Variants in ATP9A observed in about 807,000 individuals in gnomAD.
The protein encoded by ATP9A is probable phospholipid-transporting ATPase IIA.
Under a neutral mutation model 144.1 loss-of-function variants are expected in ATP9A, and 52 were observed. The observed-to-expected ratio is 0.36, with a 90% confidence interval of 0.29 to 0.45. The LOEUF (loss-of-function observed/expected upper bound fraction) is 0.45, where lower values mean the gene tolerates loss of function less well. ATP9A is among the 20% of genes least tolerant of loss of function. The pLI, the probability that ATP9A is intolerant of heterozygous loss-of-function variation, is 1.00. For missense variants in ATP9A, 947 were observed against 1,392.7 expected, an observed-to-expected ratio of 0.68 and a Z score of 5.09; for synonymous variants, 582 against 557.4, an observed-to-expected ratio of 1.04 and a Z score of -0.62.
chr20:51,633,941 C>T (rs1042906157), intron 15 of ATP9A, among the ~76,000 whole-genome samples: 3 of 151,436 alleles, frequency 2.0e-5, no homozygotes, highest in Non-Finnish European at 2.9e-5. Context: ...AGAGGGAGGG[C>T]AGTTTTGATC....
intron 7 of ATP9A, 127 bp from the exon 8 acceptor site, chr20:51,690,946 G>A (rs2077545997): frequency 2.6e-6 from 2 of 766,026 alleles, no homozygotes; most frequent in Admixed American, 2.2e-5. Context: ...AAAATTACAG[G>A]GGAGGTGGAA....
chr20:51,753,443 T>C (rs1267792670), intron 1 of ATP9A, among the ~76,000 whole-genome samples: 1 of 129,938 alleles, frequency 7.7e-6, no homozygotes, highest in Non-Finnish European at 1.6e-5. Flanking sequence ...AGAGTGAGAC[T>C]CCGTCTCAAA....
chr20:51,730,295 C>T (rs1006929044), intron 1 of ATP9A, among the ~76,000 whole-genome samples: 4 of 152,174 alleles, frequency 2.6e-5, no homozygotes, highest in East Asian at 3.9e-4. Flanking sequence ...GGTGAAATCT[C>T]GTCTGTACTA....
intron 24 of ATP9A, 64 bp from the exon 25 acceptor site, chr20:51,608,690 G>T: frequency 9.7e-7 from 1 of 1,035,430 alleles, no homozygotes; most frequent in Non-Finnish European, 1.5e-6. Context: ...TGCTGTGCCA[G>T]CCTCCGGCAC....
intron 6 of ATP9A, 116 bp from the exon 7 acceptor site, chr20:51,694,218 A>C: frequency 2.9e-6 from 2 of 683,552 alleles, no homozygotes; most frequent in Non-Finnish European, 5.1e-6. Flanking sequence ...CAGCGACCAC[A>C]AGAGAAAATA....
At chr20:51,752,057 A>C (rs4991625) in intron 1 of ATP9A, among the ~76,000 whole-genome samples, 75,597 of 150,780 alleles carry the variant, frequency 0.5, 19,753 homozygotes, top group East Asian at 0.71. Flanking sequence ...CAACAACAAA[A>C]AAAAAAAAAC....
chr20:51,677,854 A>C (rs1350931034), intron 9 of ATP9A, among the ~76,000 whole-genome samples: 1 of 152,138 alleles, frequency 6.6e-6, no homozygotes, highest in Non-Finnish European at 1.5e-5. Flanking sequence ...AATAATCAAA[A>C]AATGCAAAAT....
intron 10 of ATP9A, among the ~76,000 whole-genome samples, chr20:51,675,591 C>A (rs2077473540): frequency 6.6e-6 from 1 of 152,064 alleles, no homozygotes; most frequent in Non-Finnish European, 1.5e-5. Context: ...CCTAAAAGCA[C>A]AAAAAATGCT....
Position 51,601,173 on chromosome 20 carries a change from A to C in ATP9A, c.*38T>G, listed in dbSNP as rs2077141162. The C allele has an allele frequency of 6.4e-7, 1 of 1,551,208 alleles. No homozygotes were observed. The highest frequency in any genetic ancestry group is 8.7e-7 in the Non-Finnish European group (1 of 1,149,626). ...GAACTTGAGCTCTGTCCATCAGGGA[A>C]GCGCCAAGACCAGGGCCCCCTCCAG... is the stretch of plus-strand genomic sequence containing the variant. On this transcript the variant is annotated 3_prime_UTR_variant, in exon 28 of 28. Transcript: ENST00000338821.
chr20:51,600,805 AAAACAC>A lies in ATP9A; in HGVS notation c.*400_*405del, dbSNP rs1173474404. On this transcript the variant is annotated 3_prime_UTR_variant, in exon 28 of 28. Transcript: ENST00000338821. ...AGTACATACACATTAGGACTCTTTA[AAAACAC>A]ACACACACACACACACACACACACA... The A allele has an allele frequency of 0.026, 3,225 of 122,764 alleles. 51 individuals carry two copies. The highest frequency in any genetic ancestry group is 0.033 in the Non-Finnish European group (1,999 of 60,280). The allele number at this position is 122,764 out of a possible 1,614,324, so 7.6% of individuals were successfully genotyped here.
chr20:51,737,183 T>C (rs1310002416), intron 1 of ATP9A, among the ~76,000 whole-genome samples: 1 of 152,224 alleles, frequency 6.6e-6, no homozygotes, highest in Non-Finnish European at 1.5e-5. Context: ...TGCACTACCA[T>C]GAACAGCCTC....
In ATP9A at chr20:51,686,308, T is replaced by C. The variant is rs886361868; in HGVS notation, c.799+2756A>G. 5.3e-5 allele frequency among the ~76,000 whole-genome samples: 8 copies of C among 151,076 alleles called. No individual in the cohort carries two copies. The East Asian group carries it at 1.6e-3, about 29-fold the overall frequency. ...GCAGCACACCAACATGGCACATGTA[T>C]ACAAATGTAACAAACCTGCACGTTG... On this transcript the variant is annotated intron_variant, in intron 9 of 27. Transcript: ENST00000338821.
chr20:51,737,987 G>T (rs2077769504), intron 1 of ATP9A, among the ~76,000 whole-genome samples: 1 of 151,590 alleles, frequency 6.6e-6, no homozygotes, highest in Non-Finnish European at 1.5e-5. Flanking sequence ...CCAGGATTTC[G>T]AATCCAACTT....
intron 13 of ATP9A, among the ~76,000 whole-genome samples, chr20:51,664,591 AAAAAATAAAAAT>A (rs969613411): frequency 6.6e-6 from 1 of 152,182 alleles, no homozygotes; most frequent in Non-Finnish European, 1.5e-5. Flanking sequence ...CTCTGTCTCA[AAAAAATAAAAAT>A]AAAAATAAAT....
chr20:51,690,268 A>T (rs931919173), intron 8 of ATP9A, among the ~76,000 whole-genome samples: 4 of 151,966 alleles, frequency 2.6e-5, no homozygotes, highest in Non-Finnish European at 5.9e-5. Context: ...AAAATACAAA[A>T]AATTAGCTGG....
intron 18 of ATP9A, among the ~76,000 whole-genome samples, chr20:51,624,905 T>G (rs1362297431): frequency 6.7e-6 from 1 of 149,306 alleles, no homozygotes; most frequent in East Asian, 2.0e-4. Context: ...CTAGGGAGGA[T>G]GAGGCACAAG....
rs1012524033 is a variant in ATP9A at position 51,673,340 on chromosome 20, C to T, written c.1037+813G>A. On this transcript the variant is annotated intron_variant, in intron 11 of 27. Transcript: ENST00000338821. ...AGTGAGCTGAGATCGCACCACTGCA[C>T]TCCAGCCTGGGCGACAGAGCAAGAC... Among the ~76,000 whole-genome samples the T allele has an allele frequency of 9.2e-5, 14 of 152,196 alleles. 1 individual carries two copies. The East Asian group carries it at 2.7e-3, about 29-fold the overall frequency.
intron 1 of ATP9A, chr20:51,732,278 C>CCAG (rs1294174316): frequency 4.6e-5 from 7 of 152,432 alleles, no homozygotes; most frequent in Admixed American, 2.6e-4. Flanking sequence ...CCTCGCTGGA[C>CCAG]CGCTCACCTC....
chr20:51,661,706 T>C (rs79059151), intron 13 of ATP9A, among the ~76,000 whole-genome samples: 91 of 152,136 alleles, frequency 6.0e-4, no homozygotes, highest in African/African-American at 2.2e-3. Context: ...ATTTCTGTTA[T>C]GATAACCCTA....
Sources: gnomAD v4.1 joint callset for allele counts (sites outside exome capture counted in the v4.1 genomes callset) on GRCh38, gnomAD v4.1.1 for gene constraint, MANE v1.5 for transcripts, NCBI Gene and HGNC (gene_info 2026-07-23, HGNC 2026-07-21) for gene names.